The following PDE3A variants were observed in gnomAD, a reference collection of about 807,000 sequenced individuals.
PDE3A encodes the protein phosphodiesterase 3A.
In PDE3A, 43 loss-of-function variants were observed where a neutral mutation model predicts 98.3. That is an observed-to-expected ratio of 0.44 (90% CI 0.34 to 0.56). PDE3A has a LOEUF of 0.56. Among genes scored for constraint, PDE3A ranks in the 20% least tolerant of loss-of-function variants. The pLI is 0.01. For synonymous variants in PDE3A, 663 were observed against 567.9 expected (o/e 1.17, Z -2.38); for missense variants, 1,427 against 1,440.7 (o/e 0.99, Z 0.15).
chr12:20,454,353 T>A (rs1945118604), intron 1 of PDE3A, among the ~76,000 whole-genome samples: 1 of 152,218 alleles, frequency 6.6e-6, no homozygotes, highest in African/African-American at 2.4e-5. Context: ...ACTGTATTTT[T>A]CTGCAGTTAC....
At chr12:20,671,110 A>G (rs941811003) in intron 15 of PDE3A, among the ~76,000 whole-genome samples, 1 of 141,808 alleles carries the variant, frequency 7.1e-6, no homozygotes, top group Non-Finnish European at 1.5e-5. Context: ...AGAAATGGAT[A>G]AATTCCTCGA....
intron 1 of PDE3A, among the ~76,000 whole-genome samples, chr12:20,521,918 G>C (rs2121154277): frequency 6.6e-6 from 1 of 152,228 alleles, no homozygotes; most frequent in Non-Finnish European, 1.5e-5. Context: ...CTTGCAAACA[G>C]CATGCAGTTT....
chr12:20,559,895 T>A (rs563557690), intron 2 of PDE3A, among the ~76,000 whole-genome samples: 9 of 152,214 alleles, frequency 5.9e-5, no homozygotes, highest in Non-Finnish European at 1.2e-4. Context: ...ATATGTGAAT[T>A]TTTTTATAAC....
At chr12:20,472,945 T>C (rs1408715476) in intron 1 of PDE3A, among the ~76,000 whole-genome samples, 1 of 152,144 alleles carries the variant, frequency 6.6e-6, no homozygotes, top group Non-Finnish European at 1.5e-5. Context: ...TTTAAATCTG[T>C]TTGAATTAAC....
chr12:20,406,366 C>T (rs956777524), intron 1 of PDE3A, among the ~76,000 whole-genome samples: 5 of 152,132 alleles, frequency 3.3e-5, no homozygotes, highest in Non-Finnish European at 7.4e-5. Flanking sequence ...TGTAAGGGTT[C>T]CCGTTTTTCC....
intron 2 of PDE3A, among the ~76,000 whole-genome samples, chr12:20,566,825 A>AATG (rs900187655): frequency 1.3e-5 from 2 of 151,930 alleles, no homozygotes; most frequent in African/African-American, 4.8e-5. Context: ...AGTGGGAATG[A>AATG]ATGATGATTT....
intron 14 of PDE3A, among the ~76,000 whole-genome samples, chr12:20,651,270 C>G (rs1393762664): frequency 6.6e-6 from 1 of 152,110 alleles, no homozygotes. Context: ...TCAGAATGCA[C>G]TTGAACCTTC....
At chr12:20,397,240 A>G (rs1239034373) in intron 1 of PDE3A, among the ~76,000 whole-genome samples, 1 of 152,052 alleles carries the variant, frequency 6.6e-6, no homozygotes, top group East Asian at 1.9e-4. Context: ...GCCTGTCTCT[A>G]TATATGTCTC....
chr12:20,477,741 TCCAGTATGTTAG>T (rs1212574924), intron 1 of PDE3A, among the ~76,000 whole-genome samples: 1 of 152,200 alleles, frequency 6.6e-6, no homozygotes, highest in African/African-American at 2.4e-5. Flanking sequence ...TTCTCTGTCA[TCCAGTATGTTAG>T]CCTTGAGAGT....
rs1944605710 is a variant in PDE3A, at chr12:20,639,865, A to G, written c.2159A>G (p.Glu720Gly). The G allele has an allele frequency of 6.4e-7, 1 of 1,561,238 alleles. No individual in the cohort carries two copies. Among genetic ancestry groups the G allele is most frequent in the Non-Finnish European group, 8.8e-7 (1 of 1,132,512 alleles). Residue 720 changes from glutamate to glycine, a missense_variant, in exon 10 of 16, where the codon GAA (glutamate) becomes GGA (glycine). Coordinates refer to ENST00000359062, the MANE Select transcript of PDE3A (RefSeq NM_000921.5). The stretch of plus-strand genomic sequence containing the variant: ...TTACAGGTATCTTACAGACTTTTTG[A>G]AGACATGGGCCTCTTTGAAGCTTTT... ...ILSQVSYRLFEDMGLFEAFKI... is the reference protein window; with the variant it reads ...ILSQVSYRLFGDMGLFEAFKI...
At chr12:20,575,866 G>A (rs1942917824) in intron 2 of PDE3A, among the ~76,000 whole-genome samples, 1 of 151,680 alleles carries the variant, frequency 6.6e-6, no homozygotes, top group Admixed American at 6.6e-5. Flanking sequence ...ATTGAAATAA[G>A]GGTCTTTTTT....
chr12:20,461,236 GAAAAAA>G (rs67508401), intron 1 of PDE3A, among the ~76,000 whole-genome samples: 1 of 98,516 alleles, frequency 1.0e-5, no homozygotes, highest in South Asian at 3.6e-4. Flanking sequence ...GTGTTTGTCA[GAAAAAA>G]AAAAAAAAAA....
At position 20,637,222 on chromosome 12, in the gene PDE3A, C is replaced by T. The variant is rs1944535264; in HGVS notation, c.2124C>T (p.Gly708=). The T allele has an allele frequency of 1.9e-6, 3 of 1,606,186 alleles. No homozygotes were observed. The African/African-American group carries it at 4.0e-5, about 21-fold the overall frequency. The part of the protein sequence containing the change: ...DLVENIGRKC[G]RILSQVSYRL... ...TGGAAAATATAGGAAGAAAATGTGGCCGTATTCTTAGTCAGGTAAGAAATG... is the reference window on the plus strand; with the variant it reads ...TGGAAAATATAGGAAGAAAATGTGGTCGTATTCTTAGTCAGGTAAGAAATG... Residue 708 remains glycine (G), a synonymous_variant, in exon 9 of 16, where the codon GGC becomes GGT. Coordinates refer to ENST00000359062, the MANE Select transcript of PDE3A (RefSeq NM_000921.5).
intron 1 of PDE3A, 145 bp downstream of exon 1, chr12:20,370,389 G>GTTT (rs1407334826): frequency 1.2e-5 from 5 of 425,062 alleles, no homozygotes; most frequent in East Asian, 4.4e-5. Flanking sequence ...AAACTAGCAG[G>GTTT]TTTTTTTTTT....
intron 2 of PDE3A, among the ~76,000 whole-genome samples, chr12:20,569,511 GAGA>G (rs1942744170): frequency 6.6e-6 from 1 of 152,156 alleles, no homozygotes; most frequent in East Asian, 1.9e-4. Context: ...CACAGGATAA[GAGA>G]AGAATTGTAA....
At chr12:20,473,279 G>T (rs754092349) in intron 1 of PDE3A, among the ~76,000 whole-genome samples, 5 of 152,136 alleles carry the variant, frequency 3.3e-5, no homozygotes, top group Non-Finnish European at 7.4e-5. Context: ...AAAACTTACA[G>T]TCCCTTGTCG....
intron 1 of PDE3A, among the ~76,000 whole-genome samples, chr12:20,496,598 G>A (rs535589833): frequency 6.6e-6 from 1 of 151,302 alleles, no homozygotes; most frequent in African/African-American, 2.4e-5. Flanking sequence ...TCCATACTAA[G>A]AATTTATTTT....
At chr12:20,412,030 ATATGTGTTCTGTG>A (rs1944342905) in intron 1 of PDE3A, among the ~76,000 whole-genome samples, 1 of 152,046 alleles carries the variant, frequency 6.6e-6, no homozygotes, top group South Asian at 2.1e-4. Flanking sequence ...ATCTATCCAA[ATATGTGTTCTGTG>A]TATAGCTTAT....
chr12:20,639,755 C>T (rs901947973), intron 9 of PDE3A, 91 bp from the exon 10 acceptor site: 13 of 625,920 alleles, frequency 2.1e-5, no homozygotes, highest in Non-Finnish European at 3.5e-5. Context: ...TAATGTTTTC[C>T]GTTACCGATA....
Sources: gnomAD v4.1 joint callset for allele counts (sites outside exome capture counted in the v4.1 genomes callset) on GRCh38, gnomAD v4.1.1 for gene constraint, MANE v1.5 for transcripts, NCBI Gene and HGNC (gene_info 2026-07-23, HGNC 2026-07-21) for gene names.